CDC6: variants seen among roughly 807,000 people sequenced by gnomAD.
CDC6 encodes DNA replication factor CDC6.
Under a neutral mutation model 60.2 loss-of-function variants are expected in CDC6, and 46 were observed. That is an observed-to-expected ratio of 0.76 (90% CI 0.60 to 0.98). The LOEUF is 0.98. Ranked by LOEUF, CDC6 falls within the 50% of genes least tolerant of loss-of-function variation. The pLI, the probability that CDC6 is intolerant of heterozygous loss-of-function variation, is 0.00. For synonymous variants in CDC6, 210 were observed against 233.2 expected (o/e 0.90, Z 0.90); for missense variants, 596 against 652.9 (o/e 0.91, Z 0.95).
intron 11 of CDC6, 38 bp downstream of exon 11, chr17:40,301,646 C>A: frequency 6.2e-7 from 1 of 1,602,692 alleles, no homozygotes; most frequent in South Asian, 1.1e-5. Context: ...TTTAATTGTC[C>A]TATTTTGTAG....
chr17:40,288,421 CT>C (rs796298277), intron 1 of CDC6, among the ~76,000 whole-genome samples: 2,592 of 145,284 alleles, frequency 0.018, 32 homozygotes, highest in Non-Finnish European at 0.025. Context: ...ATTCATGTAA[CT>C]TTTTTTTTTT....
At chr17:40,288,686 G>A (rs1357220427) in intron 1 of CDC6, among the ~76,000 whole-genome samples, 2 of 151,136 alleles carry the variant, frequency 1.3e-5, no homozygotes, top group East Asian at 1.9e-4. Context: ...CCGGGTTCAT[G>A]CCATTCTCCT....
chr17:40,297,369 A>G (rs1373198292), intron 9 of CDC6, among the ~76,000 whole-genome samples: 1 of 152,200 alleles, frequency 6.6e-6, no homozygotes, highest in African/African-American at 2.4e-5. Context: ...TCAGCAAAGT[A>G]ACACAGGAAC....
chr17:40,294,727 C>CT lies in CDC6; in HGVS notation c.1083+240dup, dbSNP rs576545159. 2.5e-3 allele frequency among the ~76,000 whole-genome samples: 340 copies of CT among 133,760 alleles called. 2 individuals are homozygous for CT. Among genetic ancestry groups the CT allele is most frequent in the South Asian group, 9.0e-3 (38 of 4,200 alleles). 87.8% of individuals were successfully genotyped at this position (133,760 alleles called of 152,430 possible). On this transcript the variant is annotated intron_variant, in intron 7 of 11. Coordinates refer to ENST00000209728, the MANE Select transcript of CDC6 (RefSeq NM_001254.4). ...AGGAGTTAGAGGAATCACCCAAGCGCTTTTTTTTTTTTTTTTAGATGAGTT... is the reference window on the plus strand; with the variant it reads ...AGGAGTTAGAGGAATCACCCAAGCGCTTTTTTTTTTTTTTTTTAGATGAGTT...
chr17:40,295,165 G>A (rs1278096255), intron 7 of CDC6, among the ~76,000 whole-genome samples, 191 bp from the exon 8 acceptor site: 4 of 151,914 alleles, frequency 2.6e-5, no homozygotes, highest in East Asian at 3.9e-4. Context: ...TACTGCATCC[G>A]TACAAAAAGC....
Position 40,291,590 on chromosome 17 carries a change from A to G in CDC6, c.582A>G (p.Lys194=), listed in dbSNP as rs1487502802. The change falls in exon 4 of 12, where the codon AAA becomes AAG. Residue 194 remains lysine (K), a synonymous_variant. Coordinates refer to ENST00000209728, the MANE Select transcript of CDC6 (RefSeq NM_001254.4). ...NFLREHICGK[K]AGSLYLSGAP... ...TGAGGGAACACATCTGTGGGAAAAA[A>G]GCTGGAAGCCTTTACCTTTCTGGTG... 6 of 1,614,250 alleles carry G rather than the reference A, an allele frequency of 3.7e-6. No individual in the cohort carries two copies. Among genetic ancestry groups the G allele is most frequent in the South Asian group, 1.1e-5 (1 of 91,086 alleles).
At chr17:40,301,886 G>A in intron 11 of CDC6, 26 bp from the exon 12 acceptor site, 1 of 1,462,320 alleles carries the variant, frequency 6.8e-7, no homozygotes, top group Non-Finnish European at 9.6e-7. Context: ...TCCCCAGTGT[G>A]AAAAATCCTT....
At position 40,291,630 on chromosome 17, in the gene CDC6, A is replaced by G; in HGVS notation, c.622A>G (p.Lys208Glu). Residue 208 changes from lysine to glutamate, a missense_variant, in exon 4 of 12, where the codon AAA becomes GAA. Physicochemically the swap from Lys to Glu is moderately conservative, Grantham distance 56. Transcript: ENST00000209728. ...CCTTTCTGGTGCTCCTGGAACTGGAAAAACTGCCTGCTTAAGCCGGATTCT... is the reference window on the plus strand; with the variant it reads ...CCTTTCTGGTGCTCCTGGAACTGGAGAAACTGCCTGCTTAAGCCGGATTCT... The part of the protein sequence containing the change: ...LYLSGAPGTG[K>E]TACLSRILQD... 6.2e-7 allele frequency: 1 copy of G among 1,614,268 alleles called. No homozygotes were observed. Among genetic ancestry groups the G allele is most frequent in the Non-Finnish European group, 8.5e-7 (1 of 1,180,050 alleles).
In CDC6 at chr17:40,291,151, T is replaced by C. The variant is rs1267853709; in HGVS notation, c.272T>C (p.Leu91Pro). 6.2e-7 allele frequency: 1 copy of C among 1,613,962 alleles called. No individual in the cohort carries two copies. Among genetic ancestry groups the C allele is most frequent in the Non-Finnish European group, 8.5e-7 (1 of 1,179,990 alleles). ...AATGGTCCCCCTCACTCACATACAC[T>C]TAAGGGACGAAGATTGGTATTTGAC... is the stretch of plus-strand genomic sequence containing the variant. The part of the protein sequence containing the change: ...KENGPPHSHT[L>P]KGRRLVFDNQ... The change falls in exon 3 of 12, where the codon CTT becomes CCT. Residue 91 changes from leucine (L) to proline (P), a missense_variant. Leu to Pro is a moderately conservative substitution (Grantham distance 98). Coordinates refer to ENST00000209728, the MANE Select transcript of CDC6 (RefSeq NM_001254.4).
intron 4 of CDC6, among the ~76,000 whole-genome samples, chr17:40,291,922 T>C (rs770949853): frequency 6.6e-6 from 1 of 152,286 alleles, no homozygotes; most frequent in Middle Eastern, 3.4e-3. Flanking sequence ...ATGTTTTTTG[T>C]ATTTTTAGTA....
intron 7 of CDC6, 133 bp downstream of exon 7, chr17:40,294,636 G>A: frequency 2.6e-6 from 2 of 774,624 alleles, no homozygotes; most frequent in Non-Finnish European, 4.5e-6. Flanking sequence ...GGACCATAGT[G>A]AGAACATTTT....
chr17:40,298,841 A>AAAAC (rs1412796493), intron 9 of CDC6, among the ~76,000 whole-genome samples: 2 of 152,226 alleles, frequency 1.3e-5, no homozygotes, highest in Non-Finnish European at 2.9e-5. Flanking sequence ...ATATTCAGAC[A>AAAAC]AAAGCTGGAT....
intron 2 of CDC6, among the ~76,000 whole-genome samples, chr17:40,289,982 C>T (rs1367096769): frequency 6.6e-6 from 1 of 151,500 alleles, no homozygotes; most frequent in Non-Finnish European, 1.5e-5. Context: ...GCCTCGGCCT[C>T]CCAAAGTGCT....
Position 40,303,689 on chromosome 17 carries a change from A to G in CDC6, c.*1688A>G, listed in dbSNP as rs918309952. 5 of 152,264 alleles carry G rather than the reference A, an allele frequency of 3.3e-5. No individual in the cohort carries two copies. Among genetic ancestry groups the G allele is most frequent in the Non-Finnish European group, 7.3e-5 (5 of 68,046 alleles). 9.4% of individuals were successfully genotyped at this position (152,264 alleles called of 1,614,324 possible). On this transcript the variant is annotated 3_prime_UTR_variant, in exon 12 of 12. Coordinates refer to ENST00000209728, the MANE Select transcript of CDC6 (RefSeq NM_001254.4). ...TTTGAACATGGAAACACAGTTCTAT[A>G]CCTAGAAGGTTGGAAAGTGTCTGGG...
rs762226092 is a variant in CDC6 at position 40,291,311 on chromosome 17, T to C, written c.432T>C (p.Ser144=). The change falls in exon 3 of 12, where the codon TCT becomes TCC. Residue 144 remains serine, a synonymous_variant. Coordinates refer to ENST00000209728, the MANE Select transcript of CDC6 (RefSeq NM_001254.4). ...AGAGATGTCCACTGAAGAAAGAATC[T>C]GCATGTGTGAGACTATTCAAGCAAG... The part of the protein sequence containing the change: ...SEQRCPLKKE[S]ACVRLFKQEG... 14 of 1,614,136 alleles carry C rather than the reference T, an allele frequency of 8.7e-6. No individual in the cohort carries two copies. In the South Asian group the frequency reaches 8.8e-5, roughly 10 times the overall value.
Position 40,302,784 on chromosome 17 carries a change from A to ACTAT in CDC6, c.*784_*787dup, listed in dbSNP as rs1183618405. On this transcript the variant is annotated 3_prime_UTR_variant, in exon 12 of 12. Coordinates refer to ENST00000209728, the MANE Select transcript of CDC6 (RefSeq NM_001254.4). ...AAGAATTTATTTCTTTGTATAGTATACTATGTTCATGGTGCAGATACTACA... is the reference window on the plus strand; with the variant it reads ...AAGAATTTATTTCTTTGTATAGTATACTATCTATGTTCATGGTGCAGATACTACA... 1 of 152,264 alleles carries ACTAT rather than the reference A, an allele frequency of 6.6e-6. No homozygotes were observed. Among genetic ancestry groups the ACTAT allele is most frequent in the Non-Finnish European group, 1.5e-5 (1 of 68,070 alleles). 9.4% of individuals were successfully genotyped at this position (152,264 alleles called of 1,614,324 possible).
At chr17:40,295,602 TG>T (rs772282088) in intron 8 of CDC6, 146 bp downstream of exon 8, 38 of 652,770 alleles carry the variant, frequency 5.8e-5, no homozygotes, top group Non-Finnish European at 1.0e-4. Flanking sequence ...TGTTTCTCAG[TG>T]GGGAGCTCTG....
At chr17:40,288,669 C>T (rs2032700350) in intron 1 of CDC6, among the ~76,000 whole-genome samples, 1 of 151,174 alleles carries the variant, frequency 6.6e-6, no homozygotes, top group Admixed American at 6.6e-5. Context: ...ACTGCAAGCT[C>T]CGCCTCCCGG....
At chr17:40,293,311 C>A in intron 4 of CDC6, 145 bp from the exon 5 acceptor site, 2 of 660,380 alleles carry the variant, frequency 3.0e-6, no homozygotes, top group Non-Finnish European at 2.7e-6. Context: ...CAAAATAAAA[C>A]ATTTGTAATT....
Sources: allele counts gnomAD v4.1 joint callset (sites outside exome capture counted in the v4.1 genomes callset), GRCh38; gene constraint gnomAD v4.1.1; transcripts MANE v1.5; gene names NCBI Gene and HGNC (gene_info 2026-07-23, HGNC 2026-07-21).